FRMD6: variants seen among roughly 807,000 people sequenced by gnomAD.
FRMD6 encodes FERM domain-containing protein 6.
In FRMD6, 37 loss-of-function variants were observed where a neutral mutation model predicts 73.2. The ratio of observed to expected loss-of-function variants is 0.51; its 90% CI spans 0.39 to 0.66. The LOEUF (loss-of-function observed/expected upper bound fraction) is 0.66. Among genes scored for constraint, FRMD6 ranks in the 30% least tolerant of loss-of-function variants. The probability of loss-of-function intolerance (pLI) is 0.00; values close to 1 mark genes in which losing one functional copy is unlikely to be tolerated. For missense variants in FRMD6, 714 were observed against 780.5 expected, an observed-to-expected ratio of 0.91 and a Z score of 1.02; for synonymous variants, 273 against 282.2, an observed-to-expected ratio of 0.97 and a Z score of 0.33.
At chr14:51,638,177 G>T (rs1891656371) in intron 2 of FRMD6, among the ~76,000 whole-genome samples, 1 of 152,128 alleles carries the variant, frequency 6.6e-6, no homozygotes, top group African/African-American at 2.4e-5. Flanking sequence ...GTCACTACTT[G>T]GAAGGCTGAG....
intron 1 of FRMD6, among the ~76,000 whole-genome samples, chr14:51,517,357 G>C (rs1018175438): frequency 6.6e-6 from 1 of 152,124 alleles, no homozygotes; most frequent in Non-Finnish European, 1.5e-5. Context: ...TGGAATCAAG[G>C]CTCCAAGTAT....
chr14:51,631,932 C>T (rs1328456166), intron 2 of FRMD6, among the ~76,000 whole-genome samples: 2 of 152,180 alleles, frequency 1.3e-5, no homozygotes, highest in Non-Finnish European at 2.9e-5. Context: ...CGATGTTCTT[C>T]CCAAACTATG....
At chr14:51,597,431 G>A (rs143572711) in intron 2 of FRMD6, among the ~76,000 whole-genome samples, 2 of 152,296 alleles carry the variant, frequency 1.3e-5, no homozygotes, top group Non-Finnish European at 2.9e-5. Flanking sequence ...AGAGTTTAGG[G>A]GAGGGACCAG....
At chr14:51,438,600 G>A in the FRMD6 span, among the ~76,000 whole-genome samples, 1 of 152,112 alleles carries the variant, frequency 6.6e-6, no homozygotes, top group Non-Finnish European at 1.5e-5. Context: ...TTTAGTAATG[G>A]GATTTGAATC....
intron 2 of FRMD6, among the ~76,000 whole-genome samples, chr14:51,577,358 A>T (rs557414991): frequency 3.3e-5 from 5 of 152,290 alleles, no homozygotes; most frequent in South Asian, 4.1e-4. Flanking sequence ...TGAAATTTCC[A>T]TTCAACCGTG....
At chr14:51,428,434 T>C in the FRMD6 span, among the ~76,000 whole-genome samples, 1 of 152,220 alleles carries the variant, frequency 6.6e-6, no homozygotes, top group Non-Finnish European at 1.5e-5. Context: ...GTGGTCATTA[T>C]ATGCTGCGTA....
chr14:51,470,827 T>A, the FRMD6 span, among the ~76,000 whole-genome samples: 1 of 152,242 alleles, frequency 6.6e-6, no homozygotes, highest in African/African-American at 2.4e-5. Flanking sequence ...ATATTGTTAT[T>A]GATTTCTCAT....
At chr14:51,567,916 A>G (rs1274200628) in intron 1 of FRMD6, among the ~76,000 whole-genome samples, 2 of 152,206 alleles carry the variant, frequency 1.3e-5, no homozygotes, top group African/African-American at 2.4e-5. Flanking sequence ...ATTTTTCTTA[A>G]TAAAGGGAAA....
intron 1 of FRMD6, among the ~76,000 whole-genome samples, chr14:51,680,445 C>G (rs1234514056): frequency 6.6e-6 from 1 of 152,144 alleles, no homozygotes; most frequent in Non-Finnish European, 1.5e-5. Flanking sequence ...TGTTTCTACG[C>G]TATTAATTTT....
intron 2 of FRMD6, among the ~76,000 whole-genome samples, chr14:51,642,205 GA>G (rs1891845046): frequency 6.6e-6 from 1 of 152,170 alleles, no homozygotes; most frequent in African/African-American, 2.4e-5. Context: ...GTGAGAGAGA[GA>G]GAGGGTTTTC....
chr14:51,484,484 C>T (rs74783934), upstream of FRMD6, among the ~76,000 whole-genome samples: 8,535 of 151,930 alleles, frequency 0.056, 494 homozygotes, highest in Admixed American at 0.18. Context: ...ACATAACGAA[C>T]AAGAAAACTT....
chr14:51,598,305 C>T (rs531125519), intron 2 of FRMD6, among the ~76,000 whole-genome samples: 12 of 152,264 alleles, frequency 7.9e-5, no homozygotes, highest in African/African-American at 2.6e-4. Context: ...GCAGAAGCAC[C>T]CCAAGTGTGA....
At chr14:51,684,864 A>G (rs1251283505) in intron 1 of FRMD6, among the ~76,000 whole-genome samples, 1 of 152,212 alleles carries the variant, frequency 6.6e-6, no homozygotes. Context: ...AGATTAAGCA[A>G]AATATGTAGC....
the FRMD6 span, among the ~76,000 whole-genome samples, chr14:51,418,924 T>C: frequency 6.6e-6 from 1 of 152,152 alleles, no homozygotes; most frequent in South Asian, 2.1e-4. Flanking sequence ...GCCTTGCAGG[T>C]TGATCTCAGA....
At chr14:51,468,095 C>G in the FRMD6 span, among the ~76,000 whole-genome samples, 5 of 152,036 alleles carry the variant, frequency 3.3e-5, no homozygotes, top group Non-Finnish European at 5.9e-5. Context: ...TGGAGACCAG[C>G]CCGGCCAATA....
the FRMD6 span, among the ~76,000 whole-genome samples, chr14:51,459,208 T>C: frequency 6.6e-6 from 1 of 152,348 alleles, no homozygotes; most frequent in Admixed American, 6.5e-5. Flanking sequence ...TGACAAGGTC[T>C]CATGCTGTTC....
intron 1 of FRMD6, among the ~76,000 whole-genome samples, chr14:51,668,081 T>C (rs1566547252): frequency 2.0e-5 from 3 of 152,348 alleles, no homozygotes; most frequent in South Asian, 4.1e-4. Context: ...CTCATGTTGC[T>C]GATGAGTAAA....
At chr14:51,616,692 A>C (rs947902454) in intron 2 of FRMD6, among the ~76,000 whole-genome samples, 1 of 152,132 alleles carries the variant, frequency 6.6e-6, no homozygotes, top group Admixed American at 6.5e-5. Context: ...AGCCATTTTT[A>C]TGCATTCTAG....
intron 1 of FRMD6, among the ~76,000 whole-genome samples, chr14:51,526,151 G>A (rs1885245542): frequency 1.3e-5 from 2 of 152,168 alleles, no homozygotes; most frequent in Admixed American, 1.3e-4. Flanking sequence ...ATGCTCTGTA[G>A]CCTGAACTCT....
Sources: gnomAD v4.1 joint callset for allele counts (sites outside exome capture counted in the v4.1 genomes callset) on GRCh38, gnomAD v4.1.1 for gene constraint, MANE v1.5 for transcripts, NCBI Gene and HGNC (gene_info 2026-07-23, HGNC 2026-07-21) for gene names.